NAV2: variants seen among roughly 807,000 people sequenced by gnomAD.
The protein encoded by NAV2 is helicase, APC down-regulated 1.
NAV2 carries 54 observed loss-of-function variants against 223.2 expected under a neutral mutation model. That is an observed-to-expected ratio of 0.24 (90% CI 0.19 to 0.30). The LOEUF (loss-of-function observed/expected upper bound fraction) is 0.30, where lower values mean the gene tolerates loss of function less well. Among genes scored for constraint, NAV2 ranks in the 10% least tolerant of loss-of-function variants. The pLI is 1.00. For synonymous variants in NAV2, 1,279 were observed against 1,239.3 expected (o/e 1.03, Z -0.67); for missense variants, 2,806 against 3,147.5 (o/e 0.89, Z 2.60).
At chr11:19,644,864 C>A (rs2047771155) in intron 1 of NAV2, among the ~76,000 whole-genome samples, 1 of 152,140 alleles carries the variant, frequency 6.6e-6, no homozygotes, top group African/African-American at 2.4e-5. Context: ...TATCTGTAGC[C>A]CAGGTTGGGC....
At chr11:19,896,131 G>A (rs1040612869) in intron 6 of NAV2, among the ~76,000 whole-genome samples, 1 of 152,150 alleles carries the variant, frequency 6.6e-6, no homozygotes, top group Non-Finnish European at 1.5e-5. Flanking sequence ...ATCTGGCATT[G>A]CACTCTCAGG....
At chr11:20,056,029 C>A in intron 19 of NAV2, 72 bp downstream of exon 19, 1 of 1,418,916 alleles carries the variant, frequency 7.0e-7, no homozygotes, top group Non-Finnish European at 9.6e-7. Flanking sequence ...GTTAAGGGTC[C>A]TCTATGCTAA....
At chr11:20,059,572 G>A (rs2058574969) in intron 19 of NAV2, among the ~76,000 whole-genome samples, 2 of 151,966 alleles carry the variant, frequency 1.3e-5, no homozygotes, top group Non-Finnish European at 2.9e-5. Flanking sequence ...GACACCAAAA[G>A]GCTCTTTAAA....
At chr11:19,570,261 C>T (rs1414273792) in intron 1 of NAV2, among the ~76,000 whole-genome samples, 1 of 152,166 alleles carries the variant, frequency 6.6e-6, no homozygotes, top group East Asian at 1.9e-4. Flanking sequence ...AATGCCCTGA[C>T]CCTTAGTCTC....
At chr11:19,925,680 G>A (rs1188310546) in intron 6 of NAV2, among the ~76,000 whole-genome samples, 6 of 151,958 alleles carry the variant, frequency 3.9e-5, no homozygotes, top group South Asian at 2.1e-4. Flanking sequence ...CCCGGGAGGC[G>A]GAGGTTGCAG....
At chr11:19,843,369 A>G (rs1277217410) in intron 3 of NAV2, among the ~76,000 whole-genome samples, 4 of 152,246 alleles carry the variant, frequency 2.6e-5, no homozygotes, top group Non-Finnish European at 5.9e-5. Flanking sequence ...ATGTGAAATC[A>G]GAACTGTGAC....
chr11:19,532,184 T>C (rs1475587511), intron 1 of NAV2, among the ~76,000 whole-genome samples: 1 of 151,824 alleles, frequency 6.6e-6, no homozygotes, highest in East Asian at 1.9e-4. Flanking sequence ...TTTTCTGGAA[T>C]AGGAGCCACT....
At chr11:19,971,079 C>T (rs898417753) in intron 10 of NAV2, among the ~76,000 whole-genome samples, 3 of 152,156 alleles carry the variant, frequency 2.0e-5, no homozygotes, top group South Asian at 2.1e-4. Flanking sequence ...GGTGTGGGAA[C>T]ACTGCATGCC....
intron 11 of NAV2, among the ~76,000 whole-genome samples, chr11:20,015,572 T>G (rs1284033650): frequency 1.3e-5 from 2 of 152,202 alleles, no homozygotes; most frequent in Non-Finnish European, 2.9e-5. Flanking sequence ...TCTCATGGAT[T>G]GCGGTTAAAT....
chr11:19,947,772 G>A (rs895034899), intron 9 of NAV2, among the ~76,000 whole-genome samples: 5 of 152,188 alleles, frequency 3.3e-5, no homozygotes, highest in Admixed American at 2.0e-4. Flanking sequence ...GATTGAAGAG[G>A]GAACTCAAGC....
At chr11:19,433,681 A>G (rs1251992320) in intron 1 of NAV2, among the ~76,000 whole-genome samples, 3 of 152,258 alleles carry the variant, frequency 2.0e-5, no homozygotes, top group African/African-American at 7.2e-5. Flanking sequence ...TGTTAGCTCC[A>G]TGGGGAGTCT....
At chr11:19,666,459 C>T (rs1356587244) in intron 1 of NAV2, among the ~76,000 whole-genome samples, 1 of 152,174 alleles carries the variant, frequency 6.6e-6, no homozygotes, top group African/African-American at 2.4e-5. Context: ...ATAACCACCA[C>T]TCAGTACTGC....
At chr11:19,505,294 A>G (rs566370076) in intron 1 of NAV2, 12 of 152,328 alleles carry the variant, frequency 7.9e-5, no homozygotes, top group Admixed American at 5.9e-4. Context: ...CTCTCTGCAT[A>G]TTGGTGGAAT....
intron 1 of NAV2, among the ~76,000 whole-genome samples, chr11:19,629,859 C>T (rs968759895): frequency 1.3e-5 from 2 of 152,206 alleles, no homozygotes; most frequent in Admixed American, 6.5e-5. Flanking sequence ...CCGCATCAAC[C>T]CTCCAGCTCT....
chr11:19,606,253 G>A (rs1385585577), intron 1 of NAV2, among the ~76,000 whole-genome samples: 2 of 152,196 alleles, frequency 1.3e-5, no homozygotes, highest in African/African-American at 2.4e-5. Flanking sequence ...AAGTGTATTG[G>A]ATATTGGATA....
rs182899616 is a variant in NAV2 at position 19,428,089 on chromosome 11, A to T, written c.75+77062A>T. ...CCTGAGGTTGTAAAAGGATTCTCCA[A>T]TGATTTCTTCTGCTATTATAATGGG... On this transcript the variant is annotated intron_variant, in intron 1 of 37. Transcript: ENST00000360655. Among the ~76,000 whole-genome samples, 275 of 152,246 alleles carry T rather than the reference A, an allele frequency of 1.8e-3. 1 individual carries two copies. The highest frequency in any genetic ancestry group is 6.0e-3 in the African/African-American group (248 of 41,540).
chr11:19,624,343 C>G (rs1361968493), intron 1 of NAV2, among the ~76,000 whole-genome samples: 1 of 152,144 alleles, frequency 6.6e-6, no homozygotes, highest in African/African-American at 2.4e-5. Flanking sequence ...GCCTTTTTTT[C>G]AGCTATGCCC....
chr11:19,375,306 C>A (rs1039516513), intron 1 of NAV2, among the ~76,000 whole-genome samples: 5 of 152,190 alleles, frequency 3.3e-5, no homozygotes, highest in African/African-American at 1.2e-4. Flanking sequence ...CTGCTGCAGA[C>A]ACTCATAAGC....
chr11:19,356,246 C>T (rs1243539937), intron 1 of NAV2, among the ~76,000 whole-genome samples: 1 of 152,160 alleles, frequency 6.6e-6, no homozygotes, highest in Admixed American at 6.5e-5. Flanking sequence ...ATTCAGTAAG[C>T]TTTGAGACCT....
Sources: gnomAD v4.1 joint callset for allele counts (sites outside exome capture counted in the v4.1 genomes callset) on GRCh38, gnomAD v4.1.1 for gene constraint, MANE v1.5 for transcripts, NCBI Gene and HGNC (gene_info 2026-07-23, HGNC 2026-07-21) for gene names.